MSRB2: variants seen among roughly 807,000 people sequenced by gnomAD.
MSRB2 encodes the protein methionine-R-sulfoxide reductase B2, mitochondrial.
MSRB2 carries 17 observed loss-of-function variants against 19.0 expected under a neutral mutation model. The observed-to-expected ratio is 0.89, with a 90% CI of 0.61 to 1.34. The LOEUF (loss-of-function observed/expected upper bound fraction) is 1.34. Ranked by LOEUF, MSRB2 falls within the 40% of genes most tolerant of loss-of-function variation. MSRB2 has a pLI of 0.00. For synonymous variants in MSRB2, 107 were observed against 99.7 expected, an observed-to-expected ratio of 1.07 and a Z score of -0.44; for missense variants, 208 against 237.6, an observed-to-expected ratio of 0.88 and a Z score of 0.82.
intron 2 of MSRB2, 132 bp from the exon 3 acceptor site, chr10:23,110,110 C>T (rs576745806): frequency 2.7e-5 from 17 of 641,194 alleles, no homozygotes; most frequent in Middle Eastern, 4.1e-4. Context: ...TTCTCTCTGG[C>T]GTTATTTGCA....
At chr10:23,102,812 T>C (rs970689243) in intron 1 of MSRB2, among the ~76,000 whole-genome samples, 2 of 152,232 alleles carry the variant, frequency 1.3e-5, no homozygotes, top group Non-Finnish European at 2.9e-5. Flanking sequence ...CATTTATTAC[T>C]TGACATTCTG....
At chr10:23,118,494 T>C (rs965946452) in intron 3 of MSRB2, among the ~76,000 whole-genome samples, 1 of 152,098 alleles carries the variant, frequency 6.6e-6, no homozygotes, top group African/African-American at 2.4e-5. Context: ...AGGGTGGGTC[T>C]TTGGTGAGTG....
intron 2 of MSRB2, 38 bp from the exon 3 acceptor site, chr10:23,110,204 T>G: frequency 1.3e-6 from 2 of 1,519,582 alleles, no homozygotes; most frequent in Non-Finnish European, 9.1e-7. Flanking sequence ...GCCAGTAGTA[T>G]GAGAAATCTG....
rs780669730 is a variant in MSRB2 at position 23,104,151 on chromosome 10, T to A, written c.126T>A (p.Leu42=). The A allele has an allele frequency of 3.1e-6, 5 of 1,612,844 alleles. No individual in the cohort carries two copies. The highest frequency in any genetic ancestry group is 3.4e-6 in the Non-Finnish European group (4 of 1,179,620). The change falls in exon 2 of 5, where the codon CTT becomes CTA. Residue 42 remains leucine, a synonymous_variant. Transcript: ENST00000376510. ...TGPGLGEAGS[L]ATCELPLAKS... Reference sequence around the variant, plus strand: ...TCCTGTTTAACAATACAGGGTCTCTTGCAACGTGTGAGCTGCCTCTTGCCA... The same window carrying A: ...TCCTGTTTAACAATACAGGGTCTCTAGCAACGTGTGAGCTGCCTCTTGCCA...
At chr10:23,119,038 GT>G (rs1352199122) in intron 3 of MSRB2, 2 of 580,546 alleles carry the variant, frequency 3.4e-6, no homozygotes, top group Admixed American at 4.3e-5. Flanking sequence ...AACACCATGT[GT>G]TTTTAGATCC....
At chr10:23,106,098 T>C (rs1839984800) in intron 2 of MSRB2, among the ~76,000 whole-genome samples, 1 of 152,180 alleles carries the variant, frequency 6.6e-6, no homozygotes, top group South Asian at 2.1e-4. Context: ...GGAAAATAAA[T>C]CTGTGGGCTT....
chr10:23,118,102 A>G lies in MSRB2; in HGVS notation c.297-1202A>G, dbSNP rs140314604. Among the ~76,000 whole-genome samples the G allele has an allele frequency of 5.2e-3, 790 of 152,284 alleles. 4 individuals carry two copies. The highest frequency in any genetic ancestry group is 0.018 in the African/African-American group (754 of 41,558). On this transcript the variant is annotated intron_variant, in intron 3 of 4. Transcript: ENST00000376510. ...ACATATTTTTAAATTCTCATTTATA[A>G]TGTATAATTTGTTAAATGTTGACAT...
intron 3 of MSRB2, among the ~76,000 whole-genome samples, chr10:23,112,669 A>C (rs978963844): frequency 1.3e-5 from 2 of 152,126 alleles, no homozygotes; most frequent in African/African-American, 4.8e-5. Context: ...GCTCACTGCA[A>C]CCTCTGCCTT....
intron 1 of MSRB2, among the ~76,000 whole-genome samples, chr10:23,100,557 C>T (rs1260974542): frequency 6.6e-6 from 1 of 152,150 alleles, no homozygotes; most frequent in African/African-American, 2.4e-5. Context: ...AACTTACAAT[C>T]ATGATGTAAG....
intron 1 of MSRB2, among the ~76,000 whole-genome samples, chr10:23,099,324 C>T (rs1839901358): frequency 6.6e-6 from 1 of 152,206 alleles, no homozygotes; most frequent in Admixed American, 6.5e-5. Flanking sequence ...ACTGAGCCTT[C>T]TAGGCTGGCA....
At position 23,106,163 on chromosome 10, in the gene MSRB2, ATCAT is replaced by A. The variant is rs1386452721; in HGVS notation, c.219+1925_219+1928del. Among the ~76,000 whole-genome samples, 26 of 152,344 alleles carry A rather than the reference ATCAT, an allele frequency of 1.7e-4. 1 individual carries two copies. The highest frequency in any genetic ancestry group is 6.0e-4 in the African/African-American group (25 of 41,592). ...CATTTGGCCATTTGACAAAATGAGC[ATCAT>A]TCATTATTTTAACTAATGTTATAAA... is the stretch of plus-strand genomic sequence containing the variant. On this transcript the variant is annotated intron_variant, in intron 2 of 4. Coordinates refer to ENST00000376510, the MANE Select transcript of MSRB2 (RefSeq NM_012228.4).
intron 1 of MSRB2, among the ~76,000 whole-genome samples, chr10:23,103,928 C>T (rs1054980861): frequency 6.6e-6 from 1 of 152,246 alleles, no homozygotes. Context: ...AAAACTGGCT[C>T]TCTACTTCTT....
At chr10:23,104,291 G>A in intron 2 of MSRB2, 47 bp downstream of exon 2, 1 of 1,549,800 alleles carries the variant, frequency 6.5e-7, no homozygotes, top group Non-Finnish European at 8.9e-7. Context: ...TGTTGGCAGT[G>A]AGGGGCCAGT....
chr10:23,100,284 C>T (rs1839913505), intron 1 of MSRB2, among the ~76,000 whole-genome samples: 1 of 152,202 alleles, frequency 6.6e-6, no homozygotes, highest in South Asian at 2.1e-4. Context: ...CCAGGACATA[C>T]ACTCTTTCTA....
At position 23,121,667 on chromosome 10, in the gene MSRB2, T is replaced by C. The variant is rs1447912534; in HGVS notation, c.*805T>C. ...TAAGCCAAACAATTCCTACAAAAAT[T>C]CCCTGCACCTTCCACTGCGTTTCAG... On this transcript the variant is annotated 3_prime_UTR_variant, in exon 5 of 5. Coordinates refer to ENST00000376510, the MANE Select transcript of MSRB2 (RefSeq NM_012228.4). 6.6e-6 allele frequency: 1 copy of C among 152,062 alleles called. No individual in the cohort carries two copies. The highest frequency in any genetic ancestry group is 1.9e-4 in the East Asian group (1 of 5,192). 9.4% of individuals were successfully genotyped at this position (152,062 alleles called of 1,614,324 possible).
Position 23,110,169 on chromosome 10 carries a change from A to T in MSRB2, c.220-73A>T, listed in dbSNP as rs1840033728. 1.8e-5 allele frequency: 21 copies of T among 1,196,150 alleles called. 1 individual carries two copies. The South Asian group carries it at 2.7e-4, about 15-fold the overall frequency. 74.1% of individuals were successfully genotyped at this position (1,196,150 alleles called of 1,614,324 possible). A position where few individuals can be genotyped will look rare whatever the true frequency, so the allele number is the denominator to read the frequency against. On this transcript the variant is annotated intron_variant, in intron 2 of 4. Transcript: ENST00000376510. ...TCCTTGATTTGGGGACTTACCCAGG[A>T]TTTAAATCTGCTGTTTCAACTCCTG... is the stretch of plus-strand genomic sequence containing the variant.
intron 3 of MSRB2, among the ~76,000 whole-genome samples, chr10:23,112,082 G>A (rs969233179): frequency 1.3e-5 from 2 of 152,120 alleles, no homozygotes; most frequent in African/African-American, 4.8e-5. Context: ...AGACTAATAG[G>A]AAAACCAGCC....
chr10:23,100,828 C>T (rs1839919379), intron 1 of MSRB2, among the ~76,000 whole-genome samples: 1 of 152,140 alleles, frequency 6.6e-6, no homozygotes, highest in Admixed American at 6.5e-5. Context: ...ACTCGTTCCA[C>T]TGTGACAAGA....
chr10:23,101,400 C>A (rs2131622499), intron 1 of MSRB2, among the ~76,000 whole-genome samples: 1 of 152,262 alleles, frequency 6.6e-6, no homozygotes, highest in East Asian at 1.9e-4. Context: ...ATTTCTTTAT[C>A]CACTAGTTGA....
Sources: gnomAD v4.1 joint callset for allele counts (sites outside exome capture counted in the v4.1 genomes callset) on GRCh38, gnomAD v4.1.1 for gene constraint, MANE v1.5 for transcripts, NCBI Gene and HGNC (gene_info 2026-07-23, HGNC 2026-07-21) for gene names.